The following EIF4G1 variants were observed in gnomAD, a reference collection of about 807,000 sequenced individuals.
EIF4G1 encodes EIF4-gamma.
In EIF4G1, 4 loss-of-function variants were observed where a neutral mutation model predicts 187.8. The ratio of observed to expected loss-of-function variants is 0.02; its 90% CI spans 0.01 to 0.05. EIF4G1 has a LOEUF of 0.05. Among genes scored for constraint, EIF4G1 ranks in the 10% least tolerant of loss-of-function variants. The pLI, the probability that EIF4G1 is intolerant of heterozygous loss-of-function variation, is 1.00. For synonymous variants in EIF4G1, 844 were observed against 781.4 expected (o/e 1.08, Z -1.34); for missense variants, 1,647 against 2,081.1 (o/e 0.79, Z 4.06).
chr3:184,330,035 G>A (rs1271294337), intron 28 of EIF4G1, among the ~76,000 whole-genome samples: 2 of 152,204 alleles, frequency 1.3e-5, no homozygotes, highest in Admixed American at 1.3e-4. Context: ...TGAACTATTT[G>A]TGTATTTCAT....
chr3:184,320,228 C>T (rs771892563), intron 7 of EIF4G1: 21 of 1,201,660 alleles, frequency 1.7e-5, no homozygotes, highest in South Asian at 6.8e-5. Context: ...CTGGGGAAGC[C>T]GCTGAGTCAC....
chr3:184,331,483 T>C lies in EIF4G1; in HGVS notation c.4272T>C (p.Tyr1424=). The change falls in exon 30 of 33, where the codon TAT becomes TAC. Residue 1424 remains tyrosine (Y), a synonymous_variant. Transcript: ENST00000346169. ...CTTTTCCATTGCAGAAGGTGGAGTA[T>C]ACCCTGGGAGAGGAGTCGGAAGCCC... ...GAFVAEQKVE[Y]TLGEESEAPG... is the part of the protein sequence containing the mutation. 6.2e-7 allele frequency: 1 copy of C among 1,614,188 alleles called. No homozygotes were observed. The highest frequency in any genetic ancestry group is 8.5e-7 in the Non-Finnish European group (1 of 1,180,026).
chr3:184,322,953 A>T lies in EIF4G1; in HGVS notation c.1928A>T (p.Lys643Met). The change falls in exon 13 of 33, where the codon AAG (lysine) becomes ATG (methionine). Residue 643 changes from lysine (K) to methionine (M), a missense_variant and splice_region_variant. Physicochemically the swap from Lys to Met is moderately conservative, Grantham distance 95. Transcript: ENST00000346169. ...LPHISDVVLD[K>M]ANKTPLRPLD... ...CATATCAGTGACGTGGTGCTGGACA[A>T]GGTTAGTGGCTTCAGTTGGGGAGGG... The T allele has an allele frequency of 2.5e-6, 4 of 1,614,160 alleles. No individual in the cohort carries two copies. Among genetic ancestry groups the T allele is most frequent in the Non-Finnish European group, 3.4e-6 (4 of 1,180,034 alleles).
rs754479355 is a variant in EIF4G1, at chr3:184,325,927, C to G, written c.3198C>G (p.Thr1066=). The part of the protein sequence containing the change: ...PISKGSRPID[T]SRLTKITKPG... The stretch of plus-strand genomic sequence containing the variant: ...GCAAAGGTAGCCGCCCCATTGACAC[C>G]TCACGACTCACCAAGATCACCAAGG... The change falls in exon 21 of 33, where the codon ACC becomes ACG. Residue 1066 remains threonine, a synonymous_variant. Coordinates refer to ENST00000346169, the MANE Select transcript of EIF4G1 (RefSeq NM_198241.3). The surrounding 1 kb of genome is among the most constrained non-coding windows in gnomAD (Gnocchi z 5.2). 1.9e-6 allele frequency: 3 copies of G among 1,614,030 alleles called. No individual in the cohort carries two copies. In the Admixed American group the frequency reaches 5.0e-5, roughly 27 times the overall value.
Position 184,335,054 on chromosome 3 carries a change from C to A in EIF4G1, c.*146C>A, listed in dbSNP as rs1246627973. The A allele has an allele frequency of 1.8e-5, 21 of 1,198,844 alleles. No individual in the cohort carries two copies. Among genetic ancestry groups the A allele is most frequent in the Non-Finnish European group, 2.5e-5 (21 of 851,654 alleles). 74.3% of individuals were successfully genotyped at this position (1,198,844 alleles called of 1,614,324 possible). ...TGAACTAATAAAGTGGCTGAAGAGG[C>A]AGGATGGCTTGGGGCTGCCTGGGCC... On this transcript the variant is annotated 3_prime_UTR_variant, in exon 33 of 33. Coordinates refer to ENST00000346169, the MANE Select transcript of EIF4G1 (RefSeq NM_198241.3).
At chr3:184,319,258 TTCTC>T (rs576950404) in intron 6 of EIF4G1, 1 of 199,652 alleles carries the variant, frequency 5.0e-6, no homozygotes, top group African/African-American at 2.3e-5. Flanking sequence ...GCAGATCTCT[TTCTC>T]TCATTACCAG....
chr3:184,326,037 GAA>G (rs1724823767), intron 21 of EIF4G1, 86 bp downstream of exon 21: 5 of 1,400,240 alleles, frequency 3.6e-6, no homozygotes, highest in Non-Finnish European at 5.1e-6. Context: ...GGTGACAGCT[GAA>G]TGTTTCCTCT....
rs772897794 is a variant in EIF4G1, at chr3:184,316,158, G to A, written c.87G>A (p.Ala29=). The A allele has an allele frequency of 8.1e-6, 13 of 1,614,116 alleles. No individual in the cohort carries two copies. In the South Asian group the frequency reaches 1.3e-4, roughly 16 times the overall value. Residue 29 remains alanine, a synonymous_variant, in exon 4 of 33, where the codon GCG becomes GCA. Transcript: ENST00000346169. ...PQPAFPPGQT[A]PVVFSTPQAT... Reference sequence around the variant, plus strand: ...CAGCGTTTCCCCCGGGGCAGACAGCGCCGGTGGTGTTCAGTACGCCACAAG... The same window carrying A: ...CAGCGTTTCCCCCGGGGCAGACAGCACCGGTGGTGTTCAGTACGCCACAAG...
intron 4 of EIF4G1, among the ~76,000 whole-genome samples, chr3:184,316,922 A>T (rs925252518): frequency 5.3e-5 from 8 of 152,088 alleles, no homozygotes; most frequent in African/African-American, 9.7e-5. Flanking sequence ...GGGGACTGGG[A>T]TGCTGTTGCA....
chr3:184,329,197 G>T, intron 28 of EIF4G1: 1 of 617,010 alleles, frequency 1.6e-6, no homozygotes, highest in Non-Finnish European at 2.9e-6. Flanking sequence ...GAGGAGAATG[G>T]CAGTCTAAGA....
At chr3:184,317,890 C>T (rs1285292626) in intron 6 of EIF4G1, 74 bp downstream of exon 6, 2 of 1,133,014 alleles carry the variant, frequency 1.8e-6, no homozygotes, top group Admixed American at 3.7e-5. Context: ...ATTTCTAAAG[C>T]AGAAGACCCT....
chr3:184,316,100 C>T (rs1722729015), intron 3 of EIF4G1, 32 bp from the exon 4 acceptor site: 2 of 1,613,696 alleles, frequency 1.2e-6, no homozygotes, highest in African/African-American at 2.7e-5. Flanking sequence ...CTGGGCTTCC[C>T]CTCTTGCTGA....
rs1435845753 is a variant in EIF4G1, at chr3:184,327,605, A to T, written c.3681A>T (p.Leu1227=). 1 of 1,614,098 alleles carries T rather than the reference A, an allele frequency of 6.2e-7. No individual in the cohort carries two copies. The highest frequency in any genetic ancestry group is 1.7e-5 in the Admixed American group (1 of 60,022). The change falls in exon 25 of 33, where the codon CTA becomes CTT. Residue 1227 remains leucine, a synonymous_variant. Transcript: ENST00000346169. ...CCACAGTGAAGCGAGAAGCTGCCCT[A>T]CCCCCAGTGAGCCCCCTGAAGGCGG... ...GRDAVKREAA[L]PPVSPLKAAL...
At chr3:184,318,507 T>G (rs1433304781) in intron 6 of EIF4G1, among the ~76,000 whole-genome samples, 1 of 152,064 alleles carries the variant, frequency 6.6e-6, no homozygotes, top group Non-Finnish European at 1.5e-5. Flanking sequence ...GTCCCAGCAC[T>G]TTGGGAGGCC....
At chr3:184,321,119 T>A in intron 9 of EIF4G1, 126 bp downstream of exon 9, 1 of 1,495,778 alleles carries the variant, frequency 6.7e-7, no homozygotes, top group Non-Finnish European at 9.1e-7. Flanking sequence ...TTGTGGGATT[T>A]TGAGGGTGAA....
At position 184,323,051 on chromosome 3, in the gene EIF4G1, G is replaced by C; in HGVS notation, c.1930-32G>C. The C allele has an allele frequency of 6.2e-7, 1 of 1,614,184 alleles. No individual in the cohort carries two copies. Among genetic ancestry groups the C allele is most frequent in the Non-Finnish European group, 8.5e-7 (1 of 1,180,040 alleles). Reference sequence around the variant, plus strand: ...AAAGAGTAGTCAACCGCTCTAGCCTGCTTCTGAGACCTTTTCCTGTCCTCT... The same window carrying C: ...AAAGAGTAGTCAACCGCTCTAGCCTCCTTCTGAGACCTTTTCCTGTCCTCT... On this transcript the variant is annotated intron_variant, in intron 13 of 32. Coordinates refer to ENST00000346169, the MANE Select transcript of EIF4G1 (RefSeq NM_198241.3). This position sits in a 1 kb window ranked among gnomAD's most constrained non-coding sequence, Gnocchi z 6.9.
In EIF4G1 at chr3:184,334,925, G is replaced by A. The variant is rs1577275375; in HGVS notation, c.*17G>A. ...CACAACTGAGGGCTGGTGGGGCCGGGGACCTGGAGCCCCATGGACACACAG... is the reference window on the plus strand; with the variant it reads ...CACAACTGAGGGCTGGTGGGGCCGGAGACCTGGAGCCCCATGGACACACAG... On this transcript the variant is annotated 3_prime_UTR_variant, in exon 33 of 33. Transcript: ENST00000346169. This position sits in a 1 kb window ranked among gnomAD's most constrained non-coding sequence, Gnocchi z 5.8. The A allele has an allele frequency of 6.2e-7, 1 of 1,613,504 alleles. No individual in the cohort carries two copies. Among genetic ancestry groups the A allele is most frequent in the Non-Finnish European group, 8.5e-7 (1 of 1,179,920 alleles).
intron 28 of EIF4G1, chr3:184,329,227 G>C: frequency 1.8e-6 from 1 of 559,218 alleles, no homozygotes; most frequent in South Asian, 2.0e-5. Context: ...TGTGATTGAT[G>C]CATTTATTTA....
At chr3:184,326,737 G>A in intron 22 of EIF4G1, 108 bp downstream of exon 22, 2 of 1,480,500 alleles carry the variant, frequency 1.4e-6, no homozygotes. Flanking sequence ...GGCAATGCGG[G>A]CAATAGAGGA....
Sources: gnomAD v4.1 joint callset for allele counts (sites outside exome capture counted in the v4.1 genomes callset) on GRCh38, gnomAD v4.1.1 for gene constraint, Gnocchi (gnomAD v3.1) non-coding constraint, MANE v1.5 for transcripts, NCBI Gene and HGNC (gene_info 2026-07-23, HGNC 2026-07-21) for gene names.